The following NME7 variants were observed in gnomAD, a reference collection of about 807,000 sequenced individuals.
NME7 encodes the protein NME/NM23 family member 7.
A neutral mutation model predicts 49.1 loss-of-function variants in NME7; 41 were observed. The ratio of observed to expected loss-of-function variants is 0.83; its 90% CI spans 0.65 to 1.08. The LOEUF is 1.08. NME7 is among the 50% of genes least tolerant of loss of function. NME7 has a pLI of 0.00. For missense variants in NME7, 423 were observed against 463.4 expected, an observed-to-expected ratio of 0.91 and a Z score of 0.80; for synonymous variants, 139 against 150.6, an observed-to-expected ratio of 0.92 and a Z score of 0.56.
chr1:169,367,579 A>G, intron 1 of NME7, 129 bp downstream of exon 1: 2 of 997,496 alleles, frequency 2.0e-6, no homozygotes, highest in East Asian at 2.4e-5. Flanking sequence ...GCCCGTGGGA[A>G]GGGGGAAAGA....
At chr1:169,257,807 G>T (rs1416685930) in intron 7 of NME7, among the ~76,000 whole-genome samples, 1 of 133,426 alleles carries the variant, frequency 7.5e-6, no homozygotes, top group Admixed American at 7.4e-5. Context: ...TTTTGTTCTG[G>T]ATACAAAATT....
At chr1:169,294,108 C>G (rs545910923) in intron 6 of NME7, among the ~76,000 whole-genome samples, 1 of 152,004 alleles carries the variant, frequency 6.6e-6, no homozygotes. Flanking sequence ...AAGATAACAT[C>G]CATTCATTAA....
Position 169,324,458 on chromosome 1 carries a change from G to C in NME7, c.46C>G (p.Pro16Ala), listed in dbSNP as rs1279373092. 6.2e-7 allele frequency: 1 copy of C among 1,613,010 alleles called. No homozygotes were observed. The highest frequency in any genetic ancestry group is 8.5e-7 in the Non-Finnish European group (1 of 1,179,346). Residue 16 changes from proline (P) to alanine (A), a missense_variant, in exon 2 of 12, where the codon CCA becomes GCA. Pro to Ala is a conservative substitution (Grantham distance 27). Transcript: ENST00000367811. ...TAACGTCGAAGAAGTGAAGCATTTG[G>C]ATCATACCACTCTGCAATGAAAACG... is the stretch of plus-strand genomic sequence containing the variant. ...RFVFIAEWYDPNASLLRRYEL... is the reference protein window; with the variant it reads ...RFVFIAEWYDANASLLRRYEL...
At chr1:169,366,765 G>T (rs1449631872) in intron 1 of NME7, among the ~76,000 whole-genome samples, 3 of 152,192 alleles carry the variant, frequency 2.0e-5, no homozygotes, top group Non-Finnish European at 2.9e-5. Flanking sequence ...GAGGGCAAAA[G>T]ACAGGGTTTG....
intron 11 of NME7, among the ~76,000 whole-genome samples, chr1:169,156,948 A>G (rs1299481007): frequency 1.3e-5 from 2 of 152,270 alleles, no homozygotes; most frequent in African/African-American, 4.8e-5. Flanking sequence ...TTGAGAAGGA[A>G]GAAAAGAATC....
intron 1 of NME7, among the ~76,000 whole-genome samples, chr1:169,346,540 C>T (rs1373341849): frequency 6.6e-6 from 1 of 152,182 alleles, no homozygotes; most frequent in East Asian, 1.9e-4. Flanking sequence ...TGGCCACTTC[C>T]CTTTAAATTA....
intron 10 of NME7, among the ~76,000 whole-genome samples, chr1:169,219,093 T>C (rs1212094242): frequency 6.6e-6 from 1 of 152,170 alleles, no homozygotes; most frequent in Non-Finnish European, 1.5e-5. Context: ...CTTCTTTAAA[T>C]TATAGCTCCA....
intron 11 of NME7, among the ~76,000 whole-genome samples, chr1:169,162,150 T>C (rs1206974700): frequency 6.6e-6 from 1 of 152,102 alleles, no homozygotes; most frequent in Non-Finnish European, 1.5e-5. Context: ...AAATTGTCCA[T>C]AAAAACCTTA....
chr1:169,286,994 A>G (rs1473200309), intron 7 of NME7: 3 of 248,418 alleles, frequency 1.2e-5, no homozygotes. Flanking sequence ...AAATTAAGTG[A>G]ATCACAATTT....
At chr1:169,301,165 T>C (rs1650923767) in intron 5 of NME7, among the ~76,000 whole-genome samples, 1 of 151,988 alleles carries the variant, frequency 6.6e-6, no homozygotes, top group African/African-American at 2.4e-5. Flanking sequence ...GAGAAAATAT[T>C]CACAAACTAT....
chr1:169,345,476 C>A (rs894907617), intron 1 of NME7, among the ~76,000 whole-genome samples: 1 of 152,100 alleles, frequency 6.6e-6, no homozygotes, highest in Non-Finnish European at 1.5e-5. Context: ...AAGTGATTCT[C>A]TAACTTTGCC....
rs1649858519 is a variant in NME7, at chr1:169,278,676, T to C, written c.754+8627A>G. 2.0e-5 allele frequency among the ~76,000 whole-genome samples: 3 copies of C among 152,346 alleles called. No homozygotes were observed. The South Asian group carries it at 6.2e-4, about 32-fold the overall frequency. On this transcript the variant is annotated intron_variant, in intron 7 of 11. Transcript: ENST00000367811. Reference sequence around the variant, plus strand: ...AGTAGTTTGATCATGTGAAGCCTTCTCTCAACTCGTCAAAGTCATTCTCCA... The same window carrying C: ...AGTAGTTTGATCATGTGAAGCCTTCCCTCAACTCGTCAAAGTCATTCTCCA...
chr1:169,254,572 G>A (rs1008287368), intron 7 of NME7, among the ~76,000 whole-genome samples: 3 of 150,750 alleles, frequency 2.0e-5, no homozygotes, highest in African/African-American at 7.3e-5. Context: ...CTTCAGTTCT[G>A]CTCTGATTTT....
intron 1 of NME7, among the ~76,000 whole-genome samples, chr1:169,359,239 T>C (rs918579698): frequency 6.6e-6 from 1 of 152,168 alleles, no homozygotes; most frequent in Non-Finnish European, 1.5e-5. Context: ...ATACTTGTTA[T>C]AGTGCTTTGT....
intron 11 of NME7, among the ~76,000 whole-genome samples, chr1:169,147,340 TAAAG>T (rs1658785465): frequency 1.3e-5 from 2 of 152,210 alleles, no homozygotes; most frequent in African/African-American, 4.8e-5. Context: ...TCATGAACTC[TAAAG>T]AAATAATACT....
intron 11 of NME7, among the ~76,000 whole-genome samples, chr1:169,133,761 C>A (rs2101800424): frequency 6.6e-6 from 1 of 152,238 alleles, no homozygotes; most frequent in South Asian, 2.1e-4. Flanking sequence ...CTCAAAGTAA[C>A]CCACATTTAT....
chr1:169,363,875 G>A (rs1384466877), intron 1 of NME7, among the ~76,000 whole-genome samples: 3 of 152,172 alleles, frequency 2.0e-5, no homozygotes, highest in Admixed American at 2.0e-4. Context: ...GGGAACAGGA[G>A]TTCATTCATT....
At chr1:169,342,696 GTA>G (rs1267858879) in intron 1 of NME7, among the ~76,000 whole-genome samples, 3 of 38,714 alleles carry the variant, frequency 7.7e-5, no homozygotes, top group African/African-American at 1.3e-4. Flanking sequence ...CATATATATA[GTA>G]TATATATATA....
chr1:169,262,710 G>A (rs574568074), intron 7 of NME7, among the ~76,000 whole-genome samples: 1 of 133,574 alleles, frequency 7.5e-6, no homozygotes, highest in African/African-American at 2.5e-5. Flanking sequence ...CCCCCAGGGG[G>A]ACTCACCCTT....
Sources: gnomAD v4.1 joint callset for allele counts (sites outside exome capture counted in the v4.1 genomes callset) on GRCh38, gnomAD v4.1.1 for gene constraint, MANE v1.5 for transcripts, NCBI Gene and HGNC (gene_info 2026-07-23, HGNC 2026-07-21) for gene names.